Variants in DENND4A observed in about 807,000 individuals in gnomAD.
DENND4A encodes the protein C-myc promoter-binding protein.
In DENND4A, 70 loss-of-function variants were observed where a neutral mutation model predicts 199.3. The observed-to-expected ratio is 0.35, with a 90% CI of 0.29 to 0.43. DENND4A has a LOEUF of 0.43. Among genes scored for constraint, DENND4A ranks in the 20% least tolerant of loss-of-function variants. The pLI is 1.00. For missense variants in DENND4A, 1,723 were observed against 2,255.8 expected (o/e 0.76, Z 4.78); for synonymous variants, 686 against 766.9 (o/e 0.89, Z 1.74).
chr15:65,772,204 G>A (rs1402842101), intron 1 of DENND4A: 4 of 628,784 alleles, frequency 6.4e-6, no homozygotes, highest in Admixed American at 2.9e-5. Context: ...TCAATGTTTG[G>A]TGACTTAAAG....
chr15:65,789,379 C>T (rs2077654931), intron 1 of DENND4A, among the ~76,000 whole-genome samples: 1 of 151,976 alleles, frequency 6.6e-6, no homozygotes, highest in African/African-American at 2.4e-5. Flanking sequence ...TACATTTCTA[C>T]ATTGGTCTTG....
In DENND4A at chr15:65,661,719, C is replaced by T; in HGVS notation, c.*132G>A. The T allele has an allele frequency of 4.1e-6, 3 of 730,866 alleles. No homozygotes were observed. Among genetic ancestry groups the T allele is most frequent in the Non-Finnish European group, 6.3e-6 (3 of 479,342 alleles). 45.3% of individuals were successfully genotyped at this position (730,866 alleles called of 1,614,324 possible). A position where few individuals can be genotyped will look rare whatever the true frequency, so the allele number is the denominator to read the frequency against. On this transcript the variant is annotated 3_prime_UTR_variant, in exon 33 of 33. Transcript: ENST00000443035. ...CTTCTTCAAACATTCTGTACATAAG[C>T]TGTCTGAGTCTTTTGAACCATTTAC...
intron 9 of DENND4A, among the ~76,000 whole-genome samples, chr15:65,730,641 T>C (rs1159671541): frequency 6.6e-6 from 1 of 152,124 alleles, no homozygotes; most frequent in Non-Finnish European, 1.5e-5. Context: ...ATTCCATTTA[T>C]ATGAAATGTA....
intron 23 of DENND4A, among the ~76,000 whole-genome samples, chr15:65,682,067 A>G (rs1009075930): frequency 1.1e-4 from 17 of 152,154 alleles, no homozygotes; most frequent in Admixed American, 9.2e-4. Context: ...GCTTTAGCAA[A>G]TTCTAGGATT....
chr15:65,752,429 T>C lies in DENND4A; in HGVS notation c.511A>G (p.Ser171Gly). 1 of 1,613,552 alleles carries C rather than the reference T, an allele frequency of 6.2e-7. No individual in the cohort carries two copies. Among genetic ancestry groups the C allele is most frequent in the Non-Finnish European group, 8.5e-7 (1 of 1,179,728 alleles). ...ACTTTGCAGAACGTGTGTGGTGGGC[T>C]TTCTCCTTTACTGGGTATAATAATA... ...ICIIIPSKGE[S>G]PPHTFCKVDK... The change falls in exon 4 of 33, where the codon AGC becomes GGC. Residue 171 changes from serine (S) to glycine (G), a missense_variant. By Grantham distance (56) the Ser-to-Gly change is moderately conservative. Coordinates refer to ENST00000443035, the MANE Select transcript of DENND4A (RefSeq NM_001320835.1).
chr15:65,721,712 C>T (rs540540888), intron 12 of DENND4A, among the ~76,000 whole-genome samples: 22 of 152,004 alleles, frequency 1.4e-4, no homozygotes, highest in Non-Finnish European at 3.1e-4. Flanking sequence ...GTGGTCCTCC[C>T]GCGTGGTCCT....
chr15:65,668,030 T>G lies in DENND4A; in HGVS notation c.4881A>C (p.Pro1627=). Residue 1627 remains proline (P), a synonymous_variant, in exon 28 of 33, where the codon CCA becomes CCC. Coordinates refer to ENST00000443035, the MANE Select transcript of DENND4A (RefSeq NM_001320835.1). ...KTAMSKCPIF[P]MARSISTSGP... ...CAGAAGTACTAATACTCCTGGCCAT[T>G]GGAAATATTGGACATTTAGACATAG... is the stretch of plus-strand genomic sequence containing the variant. The G allele has an allele frequency of 6.2e-7, 1 of 1,612,618 alleles. No homozygotes were observed. Among genetic ancestry groups the G allele is most frequent in the South Asian group, 1.1e-5 (1 of 90,678 alleles).
intron 23 of DENND4A, chr15:65,681,210 T>C (rs138097326): frequency 1.3e-5 from 2 of 152,334 alleles, no homozygotes; most frequent in East Asian, 3.9e-4. Context: ...TTTCACCATA[T>C]CTGCATAATT....
Position 65,752,505 on chromosome 15 carries a change from T to A in DENND4A, c.435A>T (p.Arg145=). 1 of 1,613,754 alleles carries A rather than the reference T, an allele frequency of 6.2e-7. No homozygotes were observed. ...TSSQRIYITY[R]RASENMTQNT... ...TCTGAGTCATGTTTTCAGAGGCTCT[T>A]CGGTAAGTGATATAAATTCTTTGTG... Residue 145 remains arginine, a synonymous_variant, in exon 4 of 33, where the codon CGA becomes CGT. Coordinates refer to ENST00000443035, the MANE Select transcript of DENND4A (RefSeq NM_001320835.1).
At chr15:65,729,808 A>G (rs761518394) in intron 9 of DENND4A, 130 bp from the exon 10 acceptor site, 13 of 809,372 alleles carry the variant, frequency 1.6e-5, no homozygotes, top group Non-Finnish European at 2.4e-5. Context: ...TACAATTTGT[A>G]TTATATATTC....
chr15:65,718,867 C>T (rs1380749573), intron 12 of DENND4A, among the ~76,000 whole-genome samples: 1 of 145,318 alleles, frequency 6.9e-6, no homozygotes, highest in East Asian at 2.2e-4. Context: ...GCAGCCCCTA[C>T]CTCCCGGGCT....
In DENND4A at chr15:65,660,867, T is replaced by C. The variant is rs1341004094; in HGVS notation, c.*984A>G. 1 of 152,178 alleles carries C rather than the reference T, an allele frequency of 6.6e-6. No homozygotes were observed. The highest frequency in any genetic ancestry group is 1.5e-5 in the Non-Finnish European group (1 of 68,038). 9.4% of individuals were successfully genotyped at this position (152,178 alleles called of 1,614,324 possible). ...AGTAAGTCATATTTCAGATAAATAT[T>C]CTATAGTATAATTTGCATCATACCC... On this transcript the variant is annotated 3_prime_UTR_variant, in exon 33 of 33. Coordinates refer to ENST00000443035, the MANE Select transcript of DENND4A (RefSeq NM_001320835.1).
chr15:65,667,629 T>A lies in DENND4A; in HGVS notation c.5061A>T (p.Val1687=). 1.9e-6 allele frequency: 3 copies of A among 1,613,968 alleles called. No individual in the cohort carries two copies. Among genetic ancestry groups the A allele is most frequent in the Non-Finnish European group, 2.5e-6 (3 of 1,179,848 alleles). ...CCAATAAGCTTTCAAGTTCTTTCCA[T>A]ACCACTAAAGGACTAAGATACGGAA... ...VTVPYLSPLV[V]WKELESLLEN... is the part of the protein sequence containing the mutation. The change falls in exon 29 of 33, where the codon GTA becomes GTT. Residue 1687 remains valine (V), a synonymous_variant. Coordinates refer to ENST00000443035, the MANE Select transcript of DENND4A (RefSeq NM_001320835.1).
chr15:65,773,527 T>C (rs766912510), intron 1 of DENND4A, among the ~76,000 whole-genome samples: 1 of 152,104 alleles, frequency 6.6e-6, no homozygotes, highest in Non-Finnish European at 1.5e-5. Flanking sequence ...GAAATATCAG[T>C]AGGTGATAGA....
intron 11 of DENND4A, among the ~76,000 whole-genome samples, chr15:65,724,796 T>G (rs540714235): frequency 4.5e-4 from 69 of 152,290 alleles, no homozygotes; most frequent in Non-Finnish European, 8.8e-4. Flanking sequence ...ATAGAAACAC[T>G]TTTTAAAATT....
At chr15:65,685,847 G>C (rs958533416) in intron 23 of DENND4A, among the ~76,000 whole-genome samples, 1 of 152,158 alleles carries the variant, frequency 6.6e-6, no homozygotes, top group African/African-American at 2.4e-5. Context: ...ATAAACATAA[G>C]AGTTTATTTC....
intron 1 of DENND4A, among the ~76,000 whole-genome samples, chr15:65,777,269 G>A (rs891738091): frequency 3.9e-5 from 6 of 152,070 alleles, no homozygotes; most frequent in African/African-American, 1.2e-4. Context: ...TCTATCATCG[G>A]GTACTGTGAA....
intron 1 of DENND4A, among the ~76,000 whole-genome samples, chr15:65,775,275 G>A (rs908597264): frequency 1.3e-5 from 2 of 151,924 alleles, no homozygotes; most frequent in African/African-American, 2.4e-5. Context: ...GAGCCCAGGA[G>A]GTCAAGGCTA....
rs377486667 is a variant in DENND4A, at chr15:65,754,889, G to A, written c.311+1251C>T. ...AACATGGAATTACCATTACGATCCA[G>A]CAATGTCACTCCTAGGTATATACAA... On this transcript the variant is annotated intron_variant, in intron 3 of 32. Coordinates refer to ENST00000443035, the MANE Select transcript of DENND4A (RefSeq NM_001320835.1). Among the ~76,000 whole-genome samples, 26 of 152,296 alleles carry A rather than the reference G, an allele frequency of 1.7e-4. 2 individuals are homozygous for A. Among genetic ancestry groups the A allele is most frequent in the African/African-American group, 6.3e-4 (26 of 41,570 alleles).
Sources: gnomAD v4.1 joint callset for allele counts (sites outside exome capture counted in the v4.1 genomes callset) on GRCh38, gnomAD v4.1.1 for gene constraint, MANE v1.5 for transcripts, NCBI Gene and HGNC (gene_info 2026-07-23, HGNC 2026-07-21) for gene names.